DMD: variants seen among roughly 807,000 people sequenced by gnomAD.
DMD encodes the protein mutant dystrophin.
Under a neutral mutation model 330.1 loss-of-function variants are expected in DMD, and 63 were observed. The observed-to-expected ratio is 0.19, with a 90% confidence interval of 0.16 to 0.24. The LOEUF (loss-of-function observed/expected upper bound fraction) is 0.24, where lower values mean the gene tolerates loss of function less well. DMD is among the 10% of genes least tolerant of loss of function. The probability of loss-of-function intolerance (pLI) is 1.00; values close to 1 mark genes in which losing one functional copy is unlikely to be tolerated. For synonymous variants in DMD, 1,223 were observed against 959.8 expected, an observed-to-expected ratio of 1.27 and a Z score of -5.07; for missense variants, 3,344 against 2,684.1, an observed-to-expected ratio of 1.25 and a Z score of -5.43.
At chrX:33,294,113 T>C (rs2053552018) in intron 1 of DMD, among the ~76,000 whole-genome samples, 1 of 111,524 alleles carries the variant, frequency 9.0e-6, no homozygotes, top group Non-Finnish European at 1.9e-5. Flanking sequence ...CACACAGAGC[T>C]AGAGAGAGTG....
intron 1 of DMD, among the ~76,000 whole-genome samples, chrX:33,087,064 G>A (rs2095018183): frequency 9.0e-6 from 1 of 111,258 alleles, no homozygotes; most frequent in Admixed American, 9.6e-5. Context: ...ACTGCTTTAG[G>A]CCATGCAAAA....
chrX:32,535,937 T>C (rs2047913041), intron 17 of DMD, among the ~76,000 whole-genome samples: 1 of 111,504 alleles, frequency 9.0e-6, no homozygotes, highest in Admixed American at 9.5e-5. Flanking sequence ...GTCATTACCA[T>C]ACAATTTGGC....
Position 32,262,833 on chromosome X carries a change from G to A in DMD, c.6290+24696C>T, listed in dbSNP as rs963451133. On this transcript the variant is annotated intron_variant, in intron 43 of 78. Coordinates refer to ENST00000357033, the MANE Select transcript of DMD (RefSeq NM_004006.3). ...CTCACATCTAATGACTAATGGATTA[G>A]GGATACAATGGTCCACCTTCCTTGC... 6.3e-5 allele frequency among the ~76,000 whole-genome samples: 7 copies of A among 111,792 alleles called. 1 individual carries two copies. Among genetic ancestry groups the A allele is most frequent in the Admixed American group, 5.7e-4 (6 of 10,536 alleles).
intron 45 of DMD, among the ~76,000 whole-genome samples, chrX:31,964,833 T>C (rs2095338017): frequency 9.0e-6 from 1 of 111,504 alleles, no homozygotes; most frequent in South Asian, 3.7e-4. Context: ...AATTCAAAAT[T>C]ATTTTCATTA....
At chrX:32,542,186 T>A (rs1208097470) in intron 17 of DMD, among the ~76,000 whole-genome samples, 6 of 111,449 alleles carry the variant, frequency 5.4e-5, no homozygotes, top group Admixed American at 9.6e-5. Flanking sequence ...ATCCCAGCAC[T>A]TTGGGAGGCT....
chrX:32,457,602 T>G (rs373477932), intron 25 of DMD, among the ~76,000 whole-genome samples: 1 of 110,419 alleles, frequency 9.1e-6, no homozygotes, highest in East Asian at 2.8e-4. Flanking sequence ...AGTTCATCTA[T>G]GTAAACAAAG....
chrX:32,201,089 A>C (rs956760641), intron 44 of DMD, among the ~76,000 whole-genome samples: 2 of 111,816 alleles, frequency 1.8e-5, no homozygotes, highest in Non-Finnish European at 1.9e-5. Flanking sequence ...TAGGGGATAC[A>C]TTCCAAGACT....
intron 2 of DMD, among the ~76,000 whole-genome samples, chrX:32,916,649 A>G (rs5928113): frequency 0.36 from 39,317 of 110,453 alleles, 5,268 homozygotes; most frequent in East Asian, 0.63. Context: ...TAGTGTTGAT[A>G]TCTATTGAAG....
At chrX:33,093,451 AC>A (rs1441133125) in intron 1 of DMD, among the ~76,000 whole-genome samples, 1 of 112,174 alleles carries the variant, frequency 8.9e-6, no homozygotes, top group African/African-American at 3.2e-5. Flanking sequence ...AGCAACTAGC[AC>A]CTTTTATGTA....
chrX:32,684,810 G>A, intron 9 of DMD, among the ~76,000 whole-genome samples: 1 of 110,947 alleles, frequency 9.0e-6, no homozygotes, highest in Non-Finnish European at 1.9e-5. Flanking sequence ...GGGCATTCTA[G>A]TTTTACTTAT....
intron 59 of DMD, 57 bp from the exon 60 acceptor site, chrX:31,444,684 C>T: frequency 8.7e-7 from 1 of 1,153,563 alleles, no homozygotes; most frequent in Non-Finnish European, 1.2e-6. Context: ...ACAAGAAGAA[C>T]TGATACCTGG....
chrX:32,728,541 G>A (rs1485607071), intron 7 of DMD, among the ~76,000 whole-genome samples: 2 of 111,662 alleles, frequency 1.8e-5, no homozygotes, highest in East Asian at 2.8e-4. Context: ...TTAGAGAGGA[G>A]TAGACCACAT....
intron 55 of DMD, among the ~76,000 whole-genome samples, chrX:31,620,229 C>T (rs1347081596): frequency 9.0e-6 from 1 of 110,600 alleles, no homozygotes; most frequent in Non-Finnish European, 1.9e-5. Flanking sequence ...GAACTGGTAT[C>T]TATCGAGGGT....
At chrX:33,031,458 G>A (rs184865720) in intron 1 of DMD, among the ~76,000 whole-genome samples, 62 of 111,168 alleles carry the variant, frequency 5.6e-4, no homozygotes, top group African/African-American at 1.8e-3. Context: ...GCTTGATCAT[G>A]CACTAGTTAT....
intron 1 of DMD, among the ~76,000 whole-genome samples, chrX:33,163,742 T>C (rs1406570368): frequency 9.3e-6 from 1 of 108,049 alleles, no homozygotes; most frequent in African/African-American, 3.4e-5. Context: ...TAAAAAGTCT[T>C]GTAGAGGAGG....
intron 38 of DMD, among the ~76,000 whole-genome samples, chrX:32,348,026 T>A (rs1157142124): frequency 8.9e-6 from 1 of 111,984 alleles, no homozygotes; most frequent in Non-Finnish European, 1.9e-5. Flanking sequence ...TTGAAATAAA[T>A]GTTATACTAC....
At chrX:31,500,403 C>A (rs909828487) in intron 56 of DMD, among the ~76,000 whole-genome samples, 1 of 112,053 alleles carries the variant, frequency 8.9e-6, no homozygotes, top group East Asian at 2.8e-4. Context: ...TGATATGCCC[C>A]AAACATTACT....
At chrX:32,470,122 G>C (rs1027842427) in intron 22 of DMD, among the ~76,000 whole-genome samples, 4 of 110,698 alleles carry the variant, frequency 3.6e-5, no homozygotes, top group Admixed American at 2.9e-4. Context: ...TTCTCATCTT[G>C]TAATTTTTTT....
chrX:31,168,155 A>G (rs1477772223), intron 74 of DMD, among the ~76,000 whole-genome samples: 1 of 111,820 alleles, frequency 8.9e-6, no homozygotes, highest in Non-Finnish European at 1.9e-5. Context: ...CTTGACCCCA[A>G]AGGTAGATGA....
Sources: allele counts gnomAD v4.1 joint callset (sites outside exome capture counted in the v4.1 genomes callset), GRCh38; gene constraint gnomAD v4.1.1; transcripts MANE v1.5; gene names NCBI Gene and HGNC (gene_info 2026-07-23, HGNC 2026-07-21).